Variants in FOXP2 observed in about 807,000 individuals in gnomAD.
FOXP2 encodes forkhead box protein P2.
In FOXP2, 12 loss-of-function variants were observed where a neutral mutation model predicts 115.8. The ratio of observed to expected loss-of-function variants is 0.10; its 90% confidence interval spans 0.07 to 0.17. FOXP2 has a LOEUF of 0.17. FOXP2 is among the 10% of genes least tolerant of loss of function. FOXP2 has a pLI of 1.00. For missense variants in FOXP2, 629 were observed against 843.5 expected (o/e 0.75, Z 3.15); for synonymous variants, 328 against 297.7 (o/e 1.10, Z -1.05).
At chr7:114,525,217 A>G (rs1355066603) in intron 2 of FOXP2, among the ~76,000 whole-genome samples, 1 of 152,204 alleles carries the variant, frequency 6.6e-6, no homozygotes, top group Non-Finnish European at 1.5e-5. Flanking sequence ...TCCAAGCATC[A>G]TATACCTAGA....
intron 3 of FOXP2, among the ~76,000 whole-genome samples, chr7:114,544,445 A>C (rs2129283150): frequency 6.6e-6 from 1 of 152,310 alleles, no homozygotes; most frequent in South Asian, 2.1e-4. Context: ...TAGACACAGA[A>C]CCTTTAATAC....
At chr7:114,260,190 C>CT (rs373335036) in intron 1 of FOXP2, among the ~76,000 whole-genome samples, 10,539 of 136,772 alleles carry the variant, frequency 0.077, 875 homozygotes, top group African/African-American at 0.21. Context: ...TGCGCCCAGC[C>CT]TTTTTTTTTT....
chr7:114,686,641 C>T (rs1462153170), intron 16 of FOXP2, among the ~76,000 whole-genome samples: 43 of 152,012 alleles, frequency 2.8e-4, no homozygotes, highest in Admixed American at 2.8e-3. Flanking sequence ...TCTTCATTTT[C>T]TCAAGATTGG....
At chr7:114,355,938 T>C (rs1791608426) in intron 2 of FOXP2, among the ~76,000 whole-genome samples, 1 of 152,224 alleles carries the variant, frequency 6.6e-6, no homozygotes, top group South Asian at 2.1e-4. Context: ...GATGCCTGGA[T>C]TTAAAAGTGA....
chr7:114,140,963 G>A (rs1342316197), intron 1 of FOXP2, among the ~76,000 whole-genome samples: 1 of 152,144 alleles, frequency 6.6e-6, no homozygotes, highest in African/African-American at 2.4e-5. Flanking sequence ...TGCTGAAGCT[G>A]GGATTATATA....
At chr7:114,527,336 A>G (rs1798929287) in intron 2 of FOXP2, among the ~76,000 whole-genome samples, 1 of 152,070 alleles carries the variant, frequency 6.6e-6, no homozygotes, top group Admixed American at 6.6e-5. Context: ...GGTGGAATTA[A>G]TGGATCATGT....
At chr7:114,271,704 A>G (rs1400344384) in intron 1 of FOXP2, among the ~76,000 whole-genome samples, 4 of 116,200 alleles carry the variant, frequency 3.4e-5, no homozygotes, top group Non-Finnish European at 6.5e-5. Flanking sequence ...TATTTAATAT[A>G]TTATTTAATA....
intron 2 of FOXP2, among the ~76,000 whole-genome samples, chr7:114,477,593 G>T (rs1024480096): frequency 6.6e-6 from 1 of 151,822 alleles, no homozygotes; most frequent in African/African-American, 2.4e-5. Context: ...TCAACATCAT[G>T]TAATATTCCC....
chr7:114,134,335 A>G (rs1791968336), intron 1 of FOXP2, among the ~76,000 whole-genome samples: 1 of 152,144 alleles, frequency 6.6e-6, no homozygotes, highest in African/African-American at 2.4e-5. Flanking sequence ...ATGCCACAGT[A>G]TCCCACTGTT....
In FOXP2 at chr7:114,248,210, G is replaced by GAGAC. The variant is rs1189509284; in HGVS notation, c.-101-39805_-101-39802dup. ...AGAGAGAGAGAGAGAGAGAGAGAGA[G>GAGAC]AGACAGAGAGACAGAGAGAATTTTT... On this transcript the variant is annotated intron_variant, in intron 1 of 17. Coordinates refer to the FOXP2 transcript ENST00000634411. 2.1e-5 allele frequency among the ~76,000 whole-genome samples: 3 copies of GAGAC among 140,094 alleles called. No homozygotes were observed. In the Admixed American group the frequency reaches 2.2e-4, roughly 10 times the overall value. The allele number at this position is 140,094 out of a possible 152,430, so 91.9% of individuals were successfully genotyped here. A position where few individuals can be genotyped will look rare whatever the true frequency, so the allele number is the denominator to read the frequency against.
intron 1 of FOXP2, among the ~76,000 whole-genome samples, chr7:114,285,959 G>C (rs565347480): frequency 7.9e-5 from 12 of 151,844 alleles, no homozygotes; most frequent in Non-Finnish European, 8.8e-5. Flanking sequence ...TTAATTTTAT[G>C]TCTTATCATT....
intron 6 of FOXP2, among the ~76,000 whole-genome samples, chr7:114,639,403 AC>A (rs1391301904): frequency 6.6e-6 from 1 of 152,214 alleles, no homozygotes; most frequent in Non-Finnish European, 1.5e-5. Flanking sequence ...GTGGAGATAC[AC>A]CAGTAAAACA....
At chr7:114,188,146 A>T (rs1793661899) in intron 1 of FOXP2, among the ~76,000 whole-genome samples, 1 of 152,196 alleles carries the variant, frequency 6.6e-6, no homozygotes, top group Admixed American at 6.5e-5. Flanking sequence ...TTTATTTTCC[A>T]CAGAGCACAG....
chr7:114,105,593 A>G (rs1791090143), intron 1 of FOXP2, among the ~76,000 whole-genome samples: 1 of 152,060 alleles, frequency 6.6e-6, no homozygotes, highest in Non-Finnish European at 1.5e-5. Context: ...CATTTTCCAC[A>G]GAGAATTTCT....
chr7:114,689,109 C>A (rs771594742), intron 16 of FOXP2, among the ~76,000 whole-genome samples: 6 of 151,990 alleles, frequency 3.9e-5, no homozygotes, highest in Non-Finnish European at 7.4e-5. Context: ...TCAGCATATA[C>A]GTTGTTTAAG....
intron 1 of FOXP2, among the ~76,000 whole-genome samples, chr7:114,223,856 CA>C (rs1209431673): frequency 2.0e-5 from 3 of 151,484 alleles, no homozygotes; most frequent in Non-Finnish European, 2.9e-5. Context: ...TTTAATTTAT[CA>C]AAAAAATTTT....
intron 3 of FOXP2, among the ~76,000 whole-genome samples, chr7:114,580,580 C>CAAAACAAAAACA (rs139629712): frequency 1.3e-5 from 2 of 151,090 alleles, no homozygotes; most frequent in Non-Finnish European, 3.0e-5. Context: ...GACTCTGTCT[C>CAAAACAAAAACA]AAAACAAAAA....
At chr7:114,177,398 T>C (rs2129154354) in intron 1 of FOXP2, among the ~76,000 whole-genome samples, 1 of 152,270 alleles carries the variant, frequency 6.6e-6, no homozygotes, top group East Asian at 1.9e-4. Context: ...ACTTAGGTTG[T>C]CTTTTTTATT....
intron 1 of FOXP2, among the ~76,000 whole-genome samples, chr7:114,168,725 G>A (rs927899966): frequency 6.6e-6 from 1 of 152,150 alleles, no homozygotes; most frequent in Non-Finnish European, 1.5e-5. Context: ...AAGACAATGG[G>A]GAAAACGTCT....
Sources: gnomAD v4.1 joint callset for allele counts (sites outside exome capture counted in the v4.1 genomes callset) on GRCh38, gnomAD v4.1.1 for gene constraint, MANE v1.5 for transcripts, NCBI Gene and HGNC (gene_info 2026-07-23, HGNC 2026-07-21) for gene names.